The following PHACTR3 variants were observed in gnomAD, a reference collection of about 807,000 sequenced individuals.
PHACTR3 encodes protein phosphatase 1, regulatory subunit 123.
A neutral mutation model predicts 66.8 loss-of-function variants in PHACTR3; 16 were observed. That is an observed-to-expected ratio of 0.24 (90% CI 0.16 to 0.36). PHACTR3 has a LOEUF of 0.36. Among genes scored for constraint, PHACTR3 ranks in the 10% least tolerant of loss-of-function variants. The pLI is 1.00. For synonymous variants in PHACTR3, 323 were observed against 292.1 expected (o/e 1.11, Z -1.08); for missense variants, 647 against 719.9 (o/e 0.90, Z 1.16).
At chr20:59,620,274 T>C (rs2034184269) in intron 1 of PHACTR3, among the ~76,000 whole-genome samples, 2 of 152,188 alleles carry the variant, frequency 1.3e-5, no homozygotes, top group Admixed American at 1.3e-4. Context: ...ATTCCCCAAA[T>C]AACATCCCAC....
chr20:59,704,070 G>A (rs544081222), intron 1 of PHACTR3, among the ~76,000 whole-genome samples: 47 of 152,164 alleles, frequency 3.1e-4, no homozygotes, highest in South Asian at 2.1e-3. Context: ...GAAATTCTTG[G>A]GTTAAAGGGC....
chr20:59,782,105 A>G (rs754869528), intron 7 of PHACTR3, among the ~76,000 whole-genome samples: 7 of 152,234 alleles, frequency 4.6e-5, no homozygotes, highest in East Asian at 3.8e-4. Context: ...GATGTTCACC[A>G]TAAACTCAAC....
chr20:59,813,885 C>T (rs914303990), intron 8 of PHACTR3, among the ~76,000 whole-genome samples: 2 of 152,216 alleles, frequency 1.3e-5, no homozygotes, highest in African/African-American at 4.8e-5. Flanking sequence ...GACCATCTCC[C>T]AGTGGCACAG....
At chr20:59,693,056 A>G (rs1175853804) in intron 1 of PHACTR3, among the ~76,000 whole-genome samples, 2 of 152,206 alleles carry the variant, frequency 1.3e-5, no homozygotes, top group Non-Finnish European at 2.9e-5. Flanking sequence ...TCGGGGTCAC[A>G]TTACCGTCAT....
At chr20:59,684,136 G>A (rs541443116) in intron 1 of PHACTR3, among the ~76,000 whole-genome samples, 1 of 152,256 alleles carries the variant, frequency 6.6e-6, no homozygotes, top group African/African-American at 2.4e-5. Context: ...AAGTGGGTTG[G>A]TTTCACTTCC....
chr20:59,703,633 A>G lies in PHACTR3; in HGVS notation c.119-39474A>G, dbSNP rs12624700. Reference sequence around the variant, plus strand: ...TTTTCAGATCAGTGAAAGAAATAAAATAATTTTTACCCATAGTTCTTCTAG... The same window carrying G: ...TTTTCAGATCAGTGAAAGAAATAAAGTAATTTTTACCCATAGTTCTTCTAG... On this transcript the variant is annotated intron_variant, in intron 1 of 12. Coordinates refer to ENST00000371015, the MANE Select transcript of PHACTR3 (RefSeq NM_080672.5). 1.2e-4 allele frequency among the ~76,000 whole-genome samples: 18 copies of G among 152,260 alleles called. No homozygotes were observed. In the East Asian group the frequency reaches 3.3e-3, roughly 28 times the overall value.
At chr20:59,840,476 G>C in intron 10 of PHACTR3, 46 bp downstream of exon 10, 1 of 1,607,044 alleles carries the variant, frequency 6.2e-7, no homozygotes, top group Non-Finnish European at 8.5e-7. Context: ...GTGGTCTAGA[G>C]AACAGCTGCT....
Position 59,773,421 on chromosome 20 carries a change from C to T in PHACTR3, c.894C>T (p.His298=). ...LPPSRVIEEL[H]RALATKHRQD... is the part of the protein sequence containing the mutation. ...CAAGCCGCGTCATTGAGGAGCTGCA[C>T]AGGGCGCTGGCCACGAAGCACCGCC... Residue 298 remains histidine (H), a synonymous_variant, in exon 6 of 13, where the codon CAC becomes CAT. Transcript: ENST00000371015. 2 of 1,613,662 alleles carry T rather than the reference C, an allele frequency of 1.2e-6. No individual in the cohort carries two copies. The highest frequency in any genetic ancestry group is 2.2e-5 in the East Asian group (1 of 44,866).
rs139733068 is a variant in PHACTR3 at position 59,755,232 on chromosome 20, A to G, written c.409A>G (p.Ser137Gly). 7.0e-5 allele frequency: 113 copies of G among 1,613,950 alleles called. No individual in the cohort carries two copies. The African/African-American group carries it at 1.4e-3, about 20-fold the overall frequency. Reference sequence around the variant, plus strand: ...CGATGGAGGACCCCGATCTGTACAGAGTGAACCACCCACTCCCAAGTCGGA... The same window carrying G: ...CGATGGAGGACCCCGATCTGTACAGGGTGAACCACCCACTCCCAAGTCGGA... ...NPDGGPRSVQ[S>G]EPPTPKSETL... is the part of the protein sequence containing the mutation. The change falls in exon 4 of 13, where the codon AGT (serine) becomes GGT (glycine). Residue 137 changes from serine (S) to glycine (G), a missense_variant. Physicochemically the swap from Ser to Gly is moderately conservative, Grantham distance 56. Around this residue, in one of 2 missense-constraint regions of PHACTR3, gnomAD observed 577 missense variants for 571.1 expected, o/e 1.01. Coordinates refer to ENST00000371015, the MANE Select transcript of PHACTR3 (RefSeq NM_080672.5).
At chr20:59,716,260 GTGTT>G (rs2146662885) in intron 1 of PHACTR3, among the ~76,000 whole-genome samples, 2 of 116,242 alleles carry the variant, frequency 1.7e-5, no homozygotes, top group South Asian at 5.4e-4. Context: ...GTGTGTGTGT[GTGTT>G]GTGACAGAGT....
chr20:59,793,891 A>G (rs1330837980), intron 7 of PHACTR3, among the ~76,000 whole-genome samples: 1 of 151,886 alleles, frequency 6.6e-6, no homozygotes, highest in Non-Finnish European at 1.5e-5. Context: ...GGAGGGTGAG[A>G]CAGGTGGATT....
At chr20:59,741,937 A>C (rs2053628864) in intron 1 of PHACTR3, among the ~76,000 whole-genome samples, 1 of 151,952 alleles carries the variant, frequency 6.6e-6, no homozygotes, top group South Asian at 2.1e-4. Flanking sequence ...TAATTTTTGT[A>C]TTTTTAGTAG....
upstream of PHACTR3, among the ~76,000 whole-genome samples, chr20:59,604,295 C>T (rs1353221824): frequency 2.6e-5 from 4 of 152,070 alleles, no homozygotes; most frequent in Non-Finnish European, 5.9e-5. Context: ...CCCTTTCCTC[C>T]GGGAGGGGAG....
chr20:59,834,029 C>G (rs139818966), intron 8 of PHACTR3, among the ~76,000 whole-genome samples: 2 of 152,146 alleles, frequency 1.3e-5, no homozygotes, highest in Non-Finnish European at 2.9e-5. Flanking sequence ...TCTTCTCCCC[C>G]ACCTAGGACC....
intron 1 of PHACTR3, among the ~76,000 whole-genome samples, chr20:59,700,350 A>G (rs973034665): frequency 6.6e-6 from 1 of 152,198 alleles, no homozygotes; most frequent in African/African-American, 2.4e-5. Flanking sequence ...TTAACCATGT[A>G]TGCATCTTTA....
intron 7 of PHACTR3, among the ~76,000 whole-genome samples, chr20:59,783,536 A>G (rs6027098): frequency 0.16 from 24,123 of 151,656 alleles, 4,137 homozygotes; most frequent in East Asian, 0.41. Context: ...ACAAGGTGAT[A>G]AGACAGCTGC....
Position 59,605,073 on chromosome 20 carries a change from AC to A in PHACTR3, c.63del (p.Ser22AlafsTer41). The A allele has an allele frequency of 1.4e-6, 2 of 1,406,364 alleles. No homozygotes were observed. Among genetic ancestry groups the A allele is most frequent in the Non-Finnish European group, 9.3e-7 (1 of 1,073,368 alleles). 87.1% of individuals were successfully genotyped at this position (1,406,364 alleles called of 1,614,324 possible). On this transcript the variant is annotated frameshift_variant, in exon 1 of 13. Coordinates refer to ENST00000371015, the MANE Select transcript of PHACTR3 (RefSeq NM_080672.5). LOFTEE classifies it high-confidence loss of function. Reference protein sequence around the residue: ...CLVSRGRSQSDPSVLTDSSAT... With the variant: ...CLVSRGRSQSXPSVLTDSSAT... Reference sequence around the variant, plus strand: ...GTGTCGCGGGGCCGCTCGCAGAGTGACCCCAGCGTCCTCACCGACTCCTCGG... The same window carrying A: ...GTGTCGCGGGGCCGCTCGCAGAGTGACCCAGCGTCCTCACCGACTCCTCGG...
chr20:59,597,520 A>C (rs770378988), intron 1 of PHACTR3, among the ~76,000 whole-genome samples: 5 of 152,206 alleles, frequency 3.3e-5, no homozygotes, highest in Non-Finnish European at 7.3e-5. Flanking sequence ...GCAAGTACTT[A>C]AGAACTTTGC....
At chr20:59,824,777 G>A (rs2042137281) in intron 8 of PHACTR3, among the ~76,000 whole-genome samples, 4 of 152,224 alleles carry the variant, frequency 2.6e-5, no homozygotes, top group Admixed American at 2.0e-4. Context: ...AGCCCCACCA[G>A]TGGGGGGGCG....
Sources: allele counts gnomAD v4.1 joint callset (sites outside exome capture counted in the v4.1 genomes callset), GRCh38; gene constraint gnomAD v4.1.1; regional missense constraint gnomAD v4.1.1; transcripts MANE v1.5; gene names NCBI Gene and HGNC (gene_info 2026-07-23, HGNC 2026-07-21).